The following FRY variants were observed in gnomAD, a reference collection of about 807,000 sequenced individuals.
The protein encoded by FRY is protein furry homolog.
A neutral mutation model predicts 348.4 loss-of-function variants in FRY; 128 were observed. The observed-to-expected ratio is 0.37, with a 90% confidence interval of 0.32 to 0.43. The LOEUF is 0.43. Among genes scored for constraint, FRY ranks in the 20% least tolerant of loss-of-function variants. The pLI is 1.00. For missense variants in FRY, 2,736 were observed against 3,695.2 expected (o/e 0.74, Z 6.73); for synonymous variants, 1,370 against 1,374.7 (o/e 1.00, Z 0.08).
chr13:32,114,519 T>C (rs1458587709), intron 3 of FRY, among the ~76,000 whole-genome samples: 3 of 152,210 alleles, frequency 2.0e-5, no homozygotes, highest in Non-Finnish European at 2.9e-5. Context: ...CTCTGATATC[T>C]TTTTTCCGTT....
chr13:32,133,145 T>C (rs1879474473), intron 8 of FRY, among the ~76,000 whole-genome samples: 1 of 152,198 alleles, frequency 6.6e-6, no homozygotes, highest in African/African-American at 2.4e-5. Flanking sequence ...ACTGTGATTA[T>C]ACTAAAAGTC....
At position 32,237,699 on chromosome 13, in the gene FRY, T is replaced by C. The variant is rs1032451819; in HGVS notation, c.6131T>C (p.Ile2044Thr). The C allele has an allele frequency of 5.0e-6, 8 of 1,614,002 alleles. No individual in the cohort carries two copies. The highest frequency in any genetic ancestry group is 6.8e-6 in the Non-Finnish European group (8 of 1,180,036). ...INHPTNLLAT[I>T]FWVTVALMES... ...CATCCCACCAACCTGCTGGCCACCA[T>C]ATTCTGGGTCACAGTGGCCTTGATG... Residue 2044 changes from isoleucine (I) to threonine (T), a missense_variant, in exon 44 of 61, where the codon ATA becomes ACA. Physicochemically the swap from Ile to Thr is moderately conservative, Grantham distance 89. Coordinates refer to ENST00000542859, the MANE Select transcript of FRY (RefSeq NM_023037.3). This position sits in a 1 kb window ranked among gnomAD's most constrained non-coding sequence, Gnocchi z 6.3.
intron 1 of FRY, 134 bp downstream of exon 1, chr13:32,031,999 C>CTT (rs1555245473): frequency 0.49 from 301,616 of 616,856 alleles, 77,432 homozygotes; most frequent in South Asian, 0.56. Flanking sequence ...CTTTTCTTTT[C>CTT]TCTTTCTTTC....
At chr13:32,183,341 G>C (rs1223605225) in intron 24 of FRY, among the ~76,000 whole-genome samples, 2 of 152,132 alleles carry the variant, frequency 1.3e-5, no homozygotes, top group Non-Finnish European at 2.9e-5. Flanking sequence ...TTGTGTGTTT[G>C]CTTGTTTTTT....
At position 32,113,564 on chromosome 13, in the gene FRY, C is replaced by T. The variant is rs541056030; in HGVS notation, c.325-3770C>T. ...TATGAAATAGTCCTGTGATTCTGTG[C>T]ACTTCATCTCTTCATGCTGCCCAGT... On this transcript the variant is annotated intron_variant, in intron 3 of 60. Transcript: ENST00000542859. 2.0e-5 allele frequency among the ~76,000 whole-genome samples: 3 copies of T among 152,360 alleles called. No homozygotes were observed. In the East Asian group the frequency reaches 5.8e-4, roughly 29 times the overall value.
chr13:32,255,587 G>A (rs1446905118), intron 51 of FRY, among the ~76,000 whole-genome samples: 1 of 152,180 alleles, frequency 6.6e-6, no homozygotes, highest in Admixed American at 6.5e-5. Flanking sequence ...CGGTCCGTAA[G>A]CAGTATAAAG....
At chr13:32,289,485 G>A in intron 58 of FRY, 148 bp from the exon 59 acceptor site, 2 of 638,214 alleles carry the variant, frequency 3.1e-6, no homozygotes, top group South Asian at 1.7e-5. Flanking sequence ...TTTAATGACT[G>A]TATTTCATTT....
rs1211391169 is a variant in FRY, at chr13:32,226,115, A to G, written c.5206+141A>G. The G allele has an allele frequency of 5.0e-5, 35 of 698,158 alleles. 2 individuals are homozygous for G. The South Asian group carries it at 5.3e-4, about 11-fold the overall frequency. The allele number at this position is 698,158 out of a possible 1,614,324, so 43.2% of individuals were successfully genotyped here. A position where few individuals can be genotyped will look rare whatever the true frequency, so the allele number is the denominator to read the frequency against. On this transcript the variant is annotated intron_variant, in intron 39 of 60. Transcript: ENST00000542859. Reference sequence around the variant, plus strand: ...ACGTGGTAAATCAACAGTACAATAAATACACACCATTTCACTTGATGTGAA... The same window carrying G: ...ACGTGGTAAATCAACAGTACAATAAGTACACACCATTTCACTTGATGTGAA...
Position 32,201,929 on chromosome 13 carries a change from T to C in FRY, c.3747-12T>C, listed in dbSNP as rs764392572. ...ACCATGCTTTTTTTGTTTTGTTCTG[T>C]TGTGTTTTTAGGAACTATCCCTTCG... On this transcript the variant is annotated splice_polypyrimidine_tract_variant and intron_variant, in intron 29 of 60. Transcript: ENST00000542859. 7.0e-7 allele frequency: 1 copy of C among 1,433,166 alleles called. No homozygotes were observed. The highest frequency in any genetic ancestry group is 9.9e-7 in the Non-Finnish European group (1 of 1,014,968). The allele number at this position is 1,433,166 out of a possible 1,614,324, so 88.8% of individuals were successfully genotyped here.
intron 2 of FRY, among the ~76,000 whole-genome samples, chr13:32,087,868 G>A (rs1875985578): frequency 6.6e-6 from 1 of 152,180 alleles, no homozygotes; most frequent in South Asian, 2.1e-4. Flanking sequence ...CTCTAATTAA[G>A]TTTGGATCTT....
chr13:32,049,624 G>A (rs1028553184), intron 1 of FRY, among the ~76,000 whole-genome samples: 2 of 152,196 alleles, frequency 1.3e-5, no homozygotes, highest in Admixed American at 1.3e-4. Context: ...GCAGGGAACA[G>A]CATGATCACA....
chr13:32,052,532 CTA>C (rs1269403614), intron 1 of FRY, among the ~76,000 whole-genome samples: 1 of 152,128 alleles, frequency 6.6e-6, no homozygotes, highest in African/African-American at 2.4e-5. Flanking sequence ...TTCAATATAT[CTA>C]AAATGTTATT....
Position 32,186,414 on chromosome 13 carries a change from A to C in FRY, c.3474A>C (p.Ala1158=), listed in dbSNP as rs1279038178. Residue 1158 remains alanine (A), a synonymous_variant, in exon 27 of 61, where the codon GCA becomes GCC. Transcript: ENST00000542859. The part of the protein sequence containing the change: ...NHQITRYQYC[A]LKAMSAVLCC... ...AGATTACAAGATATCAGTATTGTGC[A>C]TTAAAAGTAGGTGATATTGTACTCA... 2 of 1,598,516 alleles carry C rather than the reference A, an allele frequency of 1.3e-6. No homozygotes were observed.
intron 43 of FRY, among the ~76,000 whole-genome samples, chr13:32,236,653 A>G (rs1406446401): frequency 3.3e-5 from 5 of 152,112 alleles, no homozygotes; most frequent in Non-Finnish European, 7.4e-5. Context: ...TGCTCCTGCC[A>G]ATGTTTAATA....
chr13:32,208,189 C>T (rs769902980), intron 31 of FRY, among the ~76,000 whole-genome samples: 4 of 152,312 alleles, frequency 2.6e-5, no homozygotes, highest in African/African-American at 7.2e-5. Context: ...GTTTTCAAGA[C>T]GACTCTGCAA....
Position 32,224,229 on chromosome 13 carries a change from C to A in FRY, c.4766-6C>A. On this transcript the variant is annotated splice_polypyrimidine_tract_variant and splice_region_variant and intron_variant, in intron 36 of 60. Coordinates refer to ENST00000542859, the MANE Select transcript of FRY (RefSeq NM_023037.3). The stretch of plus-strand genomic sequence containing the variant: ...ATAAAGCACAGTTGTCTTTCTCACC[C>A]TCCAGATGATCCAATTTCTCCCTAC... The A allele has an allele frequency of 6.2e-7, 1 of 1,613,660 alleles. No individual in the cohort carries two copies. Among genetic ancestry groups the A allele is most frequent in the Non-Finnish European group, 8.5e-7 (1 of 1,179,536 alleles).
At position 32,168,880 on chromosome 13, in the gene FRY, T is replaced by C. The variant is rs1464174217; in HGVS notation, c.1893-2132T>C. Among the ~76,000 whole-genome samples the C allele has an allele frequency of 1.3e-5, 2 of 152,236 alleles. 1 individual carries two copies. The highest frequency in any genetic ancestry group is 4.8e-5 in the African/African-American group (2 of 41,468). On this transcript the variant is annotated intron_variant, in intron 17 of 60. Transcript: ENST00000542859. ...ATCTTATCAAACTTTTGAAATACTA[T>C]CTGAGAGTGATAACTGGGGTGACTT...
intron 55 of FRY, among the ~76,000 whole-genome samples, chr13:32,268,746 C>T (rs1888072225): frequency 6.6e-6 from 1 of 151,686 alleles, no homozygotes; most frequent in Non-Finnish European, 1.5e-5. Flanking sequence ...ATGATCTCAG[C>T]TCACTCTGCC....
Position 32,262,327 on chromosome 13 carries a change from C to T in FRY, c.7631C>T (p.Ser2544Phe), listed in dbSNP as rs1887693881. The T allele has an allele frequency of 2.5e-6, 4 of 1,613,014 alleles. No homozygotes were observed. The East Asian group carries it at 6.7e-5, about 27-fold the overall frequency. The change falls in exon 53 of 61, where the codon TCC becomes TTC. Residue 2544 changes from serine to phenylalanine, a missense_variant. This residue lies in a region of FRY where 789 missense variants were observed against 996.2 expected (regional missense o/e 0.79). Transcript: ENST00000542859. ...LEHSDLIMTL[S>F]PSEETNPMEL... is the part of the protein sequence containing the mutation. Reference sequence around the variant, plus strand: ...CTTTTTAAACAGATCATGACTCTCTCCCCCTCTGAAGAGACGAATCCCATG... The same window carrying T: ...CTTTTTAAACAGATCATGACTCTCTTCCCCTCTGAAGAGACGAATCCCATG...
Sources: allele counts gnomAD v4.1 joint callset (sites outside exome capture counted in the v4.1 genomes callset), GRCh38; gene constraint gnomAD v4.1.1; regional missense constraint gnomAD v4.1.1; non-coding constraint Gnocchi (gnomAD v3.1); transcripts MANE v1.5; gene names NCBI Gene and HGNC (gene_info 2026-07-23, HGNC 2026-07-21).